The following RNF180 variants were observed in gnomAD, a reference collection of about 807,000 sequenced individuals.
The protein encoded by RNF180 is E3 ubiquitin-protein ligase RNF180.
A neutral mutation model predicts 59.2 loss-of-function variants in RNF180; 38 were observed. The observed-to-expected ratio is 0.64, with a 90% CI of 0.50 to 0.84. RNF180 has a LOEUF of 0.84. Ranked by LOEUF, RNF180 falls within the 40% of genes least tolerant of loss-of-function variation. The pLI, the probability that RNF180 is intolerant of heterozygous loss-of-function variation, is 0.00. For missense variants in RNF180, 705 were observed against 700.9 expected (o/e 1.01, Z -0.07); for synonymous variants, 262 against 240.3 (o/e 1.09, Z -0.84).
chr5:64,302,561 C>CCAAGT (rs1743213171), intron 5 of RNF180, among the ~76,000 whole-genome samples: 1 of 151,510 alleles, frequency 6.6e-6, no homozygotes, highest in African/African-American at 2.4e-5. Context: ...CTCAAATAGT[C>CCAAGT]CAAGTCTCTT....
chr5:64,184,243 C>T (rs1452457966), intron 1 of RNF180, among the ~76,000 whole-genome samples: 2 of 152,134 alleles, frequency 1.3e-5, no homozygotes, highest in African/African-American at 4.8e-5. Flanking sequence ...GTTTAAACTA[C>T]CCAGTCTGTG....
intron 5 of RNF180, among the ~76,000 whole-genome samples, chr5:64,269,331 G>C (rs1196066034): frequency 1.3e-5 from 2 of 152,058 alleles, no homozygotes; most frequent in Non-Finnish European, 2.9e-5. Flanking sequence ...TCGAACTCCT[G>C]GGCCCACGCA....
chr5:64,369,869 C>T lies in RNF180; in HGVS notation c.*55C>T, dbSNP rs1228661677. 1.4e-5 allele frequency: 14 copies of T among 992,652 alleles called. No individual in the cohort carries two copies. Among genetic ancestry groups the T allele is most frequent in the Middle Eastern group, 6.9e-4 (2 of 2,914 alleles). The allele number at this position is 992,652 out of a possible 1,614,324, so 61.5% of individuals were successfully genotyped here. A position where few individuals can be genotyped will look rare whatever the true frequency, so the allele number is the denominator to read the frequency against. ...TCATAAATGATGTAAATAACAATTG[C>T]TTAAACATTTTTAAATGTGCTTTGA... On this transcript the variant is annotated 3_prime_UTR_variant, in exon 8 of 8. Transcript: ENST00000389100.
At chr5:64,317,104 G>A (rs1744078419) in intron 5 of RNF180, among the ~76,000 whole-genome samples, 1 of 152,122 alleles carries the variant, frequency 6.6e-6, no homozygotes, top group Admixed American at 6.6e-5. Context: ...ACATATAAGT[G>A]GACCCACCCA....
intron 5 of RNF180, among the ~76,000 whole-genome samples, chr5:64,264,592 G>A (rs1277332345): frequency 6.6e-6 from 1 of 152,086 alleles, no homozygotes; most frequent in Non-Finnish European, 1.5e-5. Context: ...AATATTCCAT[G>A]GTGTATATGT....
At chr5:64,167,309 G>A (rs1031224982) in intron 1 of RNF180, among the ~76,000 whole-genome samples, 3 of 152,048 alleles carry the variant, frequency 2.0e-5, no homozygotes, top group Non-Finnish European at 4.4e-5. Context: ...AATTGTGTAC[G>A]TGTTATGTTG....
rs73105060 is a variant in RNF180, at chr5:64,364,426, T to G, written c.1580-5189T>G. Reference sequence around the variant, plus strand: ...CTTGAATCCCAGGGATAAAGCCTACTTGTTTGTGGTGGACTCGCTTTTTGA... The same window carrying G: ...CTTGAATCCCAGGGATAAAGCCTACGTGTTTGTGGTGGACTCGCTTTTTGA... On this transcript the variant is annotated intron_variant, in intron 7 of 7. Coordinates refer to ENST00000389100, the MANE Select transcript of RNF180 (RefSeq NM_001113561.2). Among the ~76,000 whole-genome samples, 756 of 151,942 alleles carry G rather than the reference T, an allele frequency of 5.0e-3. 10 individuals are homozygous for G. Among genetic ancestry groups the G allele is most frequent in the African/African-American group, 0.017 (708 of 41,524 alleles).
chr5:64,233,473 A>G (rs115724150), intron 5 of RNF180, among the ~76,000 whole-genome samples: 70 of 152,384 alleles, frequency 4.6e-4, no homozygotes, highest in African/African-American at 1.6e-3. Context: ...ATTGAGAAAC[A>G]TAATTACAAA....
chr5:64,323,716 G>T (rs1247625254), intron 5 of RNF180, among the ~76,000 whole-genome samples: 1 of 152,034 alleles, frequency 6.6e-6, no homozygotes, highest in Non-Finnish European at 1.5e-5. Flanking sequence ...GTATGGCCGT[G>T]GCTAACATTT....
At chr5:64,174,625 A>G (rs939595428) in intron 1 of RNF180, among the ~76,000 whole-genome samples, 5 of 152,074 alleles carry the variant, frequency 3.3e-5, no homozygotes, top group Admixed American at 2.6e-4. Context: ...TTTGACATCT[A>G]TTCAGGTCTT....
chr5:64,281,742 C>T (rs758292541), intron 5 of RNF180, among the ~76,000 whole-genome samples: 6 of 152,132 alleles, frequency 3.9e-5, no homozygotes, highest in African/African-American at 1.2e-4. Flanking sequence ...GTGATCCACC[C>T]GCCTTGGCAT....
chr5:64,322,948 C>G (rs1019971129), intron 5 of RNF180, among the ~76,000 whole-genome samples: 1 of 151,842 alleles, frequency 6.6e-6, no homozygotes, highest in Non-Finnish European at 1.5e-5. Flanking sequence ...TTCATGTAAC[C>G]AAAACCACCT....
chr5:64,239,611 TTAA>T (rs1358348404), intron 5 of RNF180, among the ~76,000 whole-genome samples: 2 of 152,194 alleles, frequency 1.3e-5, no homozygotes, highest in African/African-American at 2.4e-5. Context: ...AGCTGAATTA[TTAA>T]TTTGGCTTCA....
intron 5 of RNF180, among the ~76,000 whole-genome samples, chr5:64,269,779 C>T (rs1266167685): frequency 6.6e-6 from 1 of 152,080 alleles, no homozygotes; most frequent in African/African-American, 2.4e-5. Flanking sequence ...GAGTACCAAA[C>T]ATTTTGGCAT....
chr5:64,314,556 TA>T (rs920022074), intron 5 of RNF180, among the ~76,000 whole-genome samples: 20 of 152,124 alleles, frequency 1.3e-4, no homozygotes, highest in African/African-American at 4.8e-4. Context: ...TTTACAATCT[TA>T]AAATTTTTTG....
chr5:64,208,927 A>T (rs188893732), intron 2 of RNF180, among the ~76,000 whole-genome samples: 1 of 152,020 alleles, frequency 6.6e-6, no homozygotes, highest in South Asian at 2.1e-4. Flanking sequence ...TTTTCTAAAC[A>T]TACCTCTCCC....
At chr5:64,226,634 T>A (rs1741777204) in intron 5 of RNF180, among the ~76,000 whole-genome samples, 1 of 150,946 alleles carries the variant, frequency 6.6e-6, no homozygotes. Flanking sequence ...TCCCCCTCTC[T>A]GAGAAACACC....
intron 7 of RNF180, among the ~76,000 whole-genome samples, chr5:64,355,871 C>A (rs534238365): frequency 1.3e-5 from 2 of 151,890 alleles, no homozygotes; most frequent in South Asian, 4.1e-4. Context: ...GACCCCTTAA[C>A]TCCAAGTTGA....
At chr5:64,271,526 T>C (rs1211370725) in intron 5 of RNF180, among the ~76,000 whole-genome samples, 1 of 152,062 alleles carries the variant, frequency 6.6e-6, no homozygotes, top group Non-Finnish European at 1.5e-5. Flanking sequence ...ATCCTAGGTG[T>C]GTAGTAGGAT....
Sources: allele counts gnomAD v4.1 joint callset (sites outside exome capture counted in the v4.1 genomes callset), GRCh38; gene constraint gnomAD v4.1.1; transcripts MANE v1.5; gene names NCBI Gene and HGNC (gene_info 2026-07-23, HGNC 2026-07-21).